Variants in CSMD1 observed in about 807,000 individuals in gnomAD.
CSMD1 encodes the protein CUB and Sushi multiple domains 1, also known as CUB and sushi domain-containing protein 1.
Under a neutral mutation model 417.5 loss-of-function variants are expected in CSMD1, and 213 were observed. The observed-to-expected ratio is 0.51, with a 90% CI of 0.46 to 0.57. The LOEUF is 0.57. Ranked by LOEUF, CSMD1 falls within the 20% of genes least tolerant of loss-of-function variation. The pLI is 0.00. For missense variants in CSMD1, 6,923 were observed against 4,529.7 expected (o/e 1.53, Z -15.17); for synonymous variants, 2,862 against 1,736.8 (o/e 1.65, Z -16.11).
At chr8:4,464,659 G>T (rs1800048193) in intron 2 of CSMD1, among the ~76,000 whole-genome samples, 1 of 152,090 alleles carries the variant, frequency 6.6e-6, no homozygotes, top group Admixed American at 6.6e-5. Context: ...TAAGTCAGGG[G>T]CCGCCTGTAG....
At chr8:3,145,793 T>C (rs554542444) in intron 40 of CSMD1, among the ~76,000 whole-genome samples, 2 of 152,332 alleles carry the variant, frequency 1.3e-5, no homozygotes, top group African/African-American at 2.4e-5. Flanking sequence ...TATATATTAT[T>C]TCAATAACAA....
chr8:4,047,910 G>A (rs371688689), intron 3 of CSMD1, among the ~76,000 whole-genome samples: 2 of 152,032 alleles, frequency 1.3e-5, no homozygotes, highest in African/African-American at 2.4e-5. Context: ...ATTTTATGTA[G>A]TATTATAAAA....
chr8:3,997,691 C>A (rs554945688), intron 5 of CSMD1, among the ~76,000 whole-genome samples: 8 of 152,246 alleles, frequency 5.3e-5, no homozygotes, highest in African/African-American at 1.7e-4. Flanking sequence ...GATGACTTCC[C>A]GAGCTCCAAA....
At chr8:2,952,685 A>G (rs1585043649) in intron 65 of CSMD1, among the ~76,000 whole-genome samples, 1 of 145,282 alleles carries the variant, frequency 6.9e-6, no homozygotes. Flanking sequence ...AAGTACATAA[A>G]AAATATCTTC....
At chr8:4,107,273 C>G (rs554438094) in intron 3 of CSMD1, among the ~76,000 whole-genome samples, 14 of 152,282 alleles carry the variant, frequency 9.2e-5, no homozygotes, top group African/African-American at 3.4e-4. Context: ...AAAGTGCTTG[C>G]CATTTCAACA....
intron 1 of CSMD1, among the ~76,000 whole-genome samples, chr8:4,758,597 A>T (rs2117083340): frequency 6.6e-6 from 1 of 152,290 alleles, no homozygotes; most frequent in Admixed American, 6.5e-5. Flanking sequence ...GGCAATTTAT[A>T]AACAAAAGAT....
intron 6 of CSMD1, among the ~76,000 whole-genome samples, chr8:3,751,008 C>T (rs1421882441): frequency 5.9e-5 from 9 of 152,154 alleles, no homozygotes; most frequent in Admixed American, 5.9e-4. Context: ...GGTCCTTCTT[C>T]TTCTTCAGAG....
intron 3 of CSMD1, among the ~76,000 whole-genome samples, chr8:4,158,248 C>CA (rs1426805613): frequency 6.6e-6 from 1 of 152,024 alleles, no homozygotes; most frequent in African/African-American, 2.4e-5. Flanking sequence ...ATCATGCCCC[C>CA]ATGCCAGCTC....
At chr8:4,971,196 G>A (rs563705566) in intron 1 of CSMD1, among the ~76,000 whole-genome samples, 1 of 152,036 alleles carries the variant, frequency 6.6e-6, no homozygotes, top group Non-Finnish European at 1.5e-5. Flanking sequence ...AGCATATGCT[G>A]ACATAATGAT....
chr8:3,624,861 T>G (rs1796418500), intron 7 of CSMD1, among the ~76,000 whole-genome samples: 1 of 152,224 alleles, frequency 6.6e-6, no homozygotes, highest in Admixed American at 6.5e-5. Flanking sequence ...TCTATTTTAA[T>G]AAATTTCTCC....
chr8:4,687,771 C>A (rs1417135396), intron 1 of CSMD1, among the ~76,000 whole-genome samples: 1 of 152,046 alleles, frequency 6.6e-6, no homozygotes, highest in Non-Finnish European at 1.5e-5. Flanking sequence ...TTTTGTCACC[C>A]TCCTTCACTA....
chr8:4,878,534 A>T (rs1356552295), intron 1 of CSMD1, among the ~76,000 whole-genome samples: 1 of 151,954 alleles, frequency 6.6e-6, no homozygotes, highest in African/African-American at 2.4e-5. Context: ...CAGAATGATT[A>T]TTTCTTGTAC....
chr8:4,586,395 A>T (rs922765265), intron 2 of CSMD1, among the ~76,000 whole-genome samples: 3 of 152,178 alleles, frequency 2.0e-5, no homozygotes. Flanking sequence ...TAAACTGTTA[A>T]AGTCACAGAC....
intron 20 of CSMD1, among the ~76,000 whole-genome samples, chr8:3,360,263 C>G (rs914926997): frequency 6.6e-6 from 1 of 152,178 alleles, no homozygotes; most frequent in Non-Finnish European, 1.5e-5. Flanking sequence ...AAATAAATGT[C>G]TGATATTTTG....
intron 3 of CSMD1, among the ~76,000 whole-genome samples, chr8:4,386,265 A>G (rs929033027): frequency 6.7e-6 from 1 of 148,612 alleles, no homozygotes; most frequent in East Asian, 2.0e-4. Flanking sequence ...CCTACCTTCC[A>G]TCCCCGGTTA....
chr8:3,676,653 G>C (rs1305399377), intron 7 of CSMD1, among the ~76,000 whole-genome samples: 1 of 152,108 alleles, frequency 6.6e-6, no homozygotes, highest in Non-Finnish European at 1.5e-5. Flanking sequence ...ACACACATGT[G>C]GGTAGAGTAT....
chr8:4,701,942 G>C (rs897978033), intron 1 of CSMD1, among the ~76,000 whole-genome samples: 1 of 152,168 alleles, frequency 6.6e-6, no homozygotes, highest in Non-Finnish European at 1.5e-5. Flanking sequence ...AAAGGAATGA[G>C]ATCATGTCCT....
intron 7 of CSMD1, among the ~76,000 whole-genome samples, 185 bp from the exon 8 acceptor site, chr8:3,616,982 A>G (rs151181615): frequency 1.7e-5 from 1 of 60,164 alleles, no homozygotes; most frequent in Non-Finnish European, 4.3e-5. Flanking sequence ...AAAATCAAAC[A>G]TGTGTTTTCC....
intron 1 of CSMD1, among the ~76,000 whole-genome samples, chr8:4,763,152 A>G (rs1812227093): frequency 6.6e-6 from 1 of 152,222 alleles, no homozygotes; most frequent in African/African-American, 2.4e-5. Context: ...CAGGAAATAA[A>G]AACTGTCAAC....
Sources: allele counts gnomAD v4.1 joint callset (sites outside exome capture counted in the v4.1 genomes callset), GRCh38; gene constraint gnomAD v4.1.1; transcripts MANE v1.5; gene names NCBI Gene and HGNC (gene_info 2026-07-23, HGNC 2026-07-21).